ALMS1: variants seen among roughly 807,000 people sequenced by gnomAD.
ALMS1 encodes the protein centrosome-associated protein ALMS1.
Under a neutral mutation model 352.2 loss-of-function variants are expected in ALMS1, and 271 were observed. That is an observed-to-expected ratio of 0.77 (90% CI 0.70 to 0.85). The LOEUF (loss-of-function observed/expected upper bound fraction) is 0.85, where lower values mean the gene tolerates loss of function less well. Ranked by LOEUF, ALMS1 falls within the 40% of genes least tolerant of loss-of-function variation. ALMS1 has a pLI of 0.00. For missense variants in ALMS1, 5,445 were observed against 4,870.7 expected, an observed-to-expected ratio of 1.12 and a Z score of -3.51; for synonymous variants, 1,865 against 1,761.2, an observed-to-expected ratio of 1.06 and a Z score of -1.48.
At chr2:73,418,674 A>G (rs1169826279) in intron 2 of ALMS1, among the ~76,000 whole-genome samples, 2 of 152,180 alleles carry the variant, frequency 1.3e-5, no homozygotes, top group African/African-American at 4.8e-5. Flanking sequence ...AGTAAAATGA[A>G]TCTTTCAGAG....
Position 73,423,014 on chromosome 2 carries a change from G to A in ALMS1, c.764+40G>A, listed in dbSNP as rs779529615. ...TTGCATGTAACCTTTCTCACTTCTT[G>A]TTCTATGTTTTTACTAATATTAGTG... On this transcript the variant is annotated intron_variant, in intron 4 of 22. Coordinates refer to ENST00000613296, the MANE Select transcript of ALMS1 (RefSeq NM_001378454.1). 2.2e-5 allele frequency: 34 copies of A among 1,529,768 alleles called. 1 individual carries two copies. The Middle Eastern group carries it at 5.1e-4, about 23-fold the overall frequency. The allele number at this position is 1,529,768 out of a possible 1,614,324, so 94.8% of individuals were successfully genotyped here. A position where few individuals can be genotyped will look rare whatever the true frequency, so the allele number is the denominator to read the frequency against.
At chr2:73,569,446 TTTAC>T (rs1674874189) in intron 15 of ALMS1, among the ~76,000 whole-genome samples, 1 of 152,162 alleles carries the variant, frequency 6.6e-6, no homozygotes, top group Non-Finnish European at 1.5e-5. Flanking sequence ...TCCTTATTGT[TTTAC>T]TTACTGCTTT....
At chr2:73,558,907 G>A in intron 14 of ALMS1, 65 bp from the exon 15 acceptor site, 1 of 1,529,980 alleles carries the variant, frequency 6.5e-7, no homozygotes, top group Non-Finnish European at 9.0e-7. Context: ...ACGTACTTGA[G>A]AGACATTTAA....
chr2:73,533,258 G>C (rs777106452), intron 11 of ALMS1, among the ~76,000 whole-genome samples: 5 of 152,218 alleles, frequency 3.3e-5, no homozygotes, highest in Non-Finnish European at 7.3e-5. Flanking sequence ...GCCCAAGTCA[G>C]CTGGCTCTGA....
intron 16 of ALMS1, among the ~76,000 whole-genome samples, chr2:73,579,368 T>C (rs144594806): frequency 0.075 from 11,275 of 151,216 alleles, 1,025 homozygotes; most frequent in African/African-American, 0.21. Context: ...CCTTCTTTTT[T>C]TTTTCTTTTT....
rs760321596 is a variant in ALMS1 at position 73,601,390 on chromosome 2, A to G, written c.12068A>G (p.Glu4023Gly). The change falls in exon 19 of 23, where the codon GAG becomes GGG. Residue 4023 changes from glutamate (E) to glycine (G), a missense_variant. Transcript: ENST00000613296. ...GRGYLAGPGR[E>G]AGRDLLRPFV... Reference sequence around the variant, plus strand: ...GGCTACCTGGCAGGCCCAGGCAGAGAGGCTGGCAGAGACCTACTGAGGCCA... The same window carrying G: ...GGCTACCTGGCAGGCCCAGGCAGAGGGGCTGGCAGAGACCTACTGAGGCCA... The G allele has an allele frequency of 6.2e-7, 1 of 1,614,096 alleles. No individual in the cohort carries two copies. Among genetic ancestry groups the G allele is most frequent in the Non-Finnish European group, 8.5e-7 (1 of 1,179,942 alleles).
rs78512691 is a variant in ALMS1, at chr2:73,428,725, G to A, written c.1338+2172G>A. 8.4e-3 allele frequency among the ~76,000 whole-genome samples: 1,283 copies of A among 152,184 alleles called. 17 individuals are homozygous for A. The highest frequency in any genetic ancestry group is 0.03 in the African/African-American group (1,228 of 41,510). ...TTCCCTGTATTGTCTTTCAGTTGTA[G>A]CTCTATCTGTCTTAGTCTTAGATCT... On this transcript the variant is annotated intron_variant, in intron 6 of 22. Transcript: ENST00000613296.
At chr2:73,493,158 G>A (rs139855534) in intron 10 of ALMS1, among the ~76,000 whole-genome samples, 3 of 152,042 alleles carry the variant, frequency 2.0e-5, no homozygotes, top group African/African-American at 4.8e-5. Flanking sequence ...CAGGGTGTAC[G>A]TTTGTAGTGG....
rs1346928828 is a variant in ALMS1 at position 73,572,732 on chromosome 2, G to A, written c.10855G>A (p.Asp3619Asn). 21 of 1,613,974 alleles carry A rather than the reference G, an allele frequency of 1.3e-5. No homozygotes were observed. The highest frequency in any genetic ancestry group is 2.7e-5 in the African/African-American group (2 of 74,920). ...QRQQRQPELG[D>N]RKELSLVDRL... is the part of the protein sequence containing the mutation. ...GCAACAGAGACAGCCTGAGTTGGGTGACAGGAAAGAACTGTCCTTGGTGGA... is the reference window on the plus strand; with the variant it reads ...GCAACAGAGACAGCCTGAGTTGGGTAACAGGAAAGAACTGTCCTTGGTGGA... The change falls in exon 16 of 23, where the codon GAC becomes AAC. Residue 3619 changes from aspartate (D) to asparagine (N), a missense_variant. Physicochemically the swap from Asp to Asn is conservative, Grantham distance 23 (BLOSUM62 1). Transcript: ENST00000613296.
In ALMS1 at chr2:73,579,063, C is replaced by CTTTTTTTTTTTTTTTTTTTTTTTT. The variant is rs372240184; in HGVS notation, c.11547+5646_11547+5647insTTTTTTTTTTTTTTTTTTTTTTTT. On this transcript the variant is annotated intron_variant, in intron 16 of 22. Coordinates refer to ENST00000613296, the MANE Select transcript of ALMS1 (RefSeq NM_001378454.1). ...GAATGTCTTTAATTTCTCCTTTATT[C>CTTTTTTTTTTTTTTTTTTTTTTTT]TTTTTTTATTTATTTTTTTTTTTGA... Among the ~76,000 whole-genome samples the CTTTTTTTTTTTTTTTTTTTTTTTT allele has an allele frequency of 8.4e-5, 10 of 119,144 alleles. 1 individual carries two copies. Among genetic ancestry groups the CTTTTTTTTTTTTTTTTTTTTTTTT allele is most frequent in the African/African-American group, 3.9e-4 (9 of 23,204 alleles). The allele number at this position is 119,144 out of a possible 152,430, so 78.2% of individuals were successfully genotyped here.
At chr2:73,410,194 G>T (rs1671048489) in intron 2 of ALMS1, among the ~76,000 whole-genome samples, 1 of 152,056 alleles carries the variant, frequency 6.6e-6, no homozygotes, top group Admixed American at 6.6e-5. Context: ...TTCAAGACCA[G>T]CCTGGCCAAC....
At chr2:73,461,942 A>C (rs1180250209) in intron 9 of ALMS1, among the ~76,000 whole-genome samples, 2 of 152,114 alleles carry the variant, frequency 1.3e-5, no homozygotes, top group Non-Finnish European at 2.9e-5. Context: ...CCTCCAAGAA[A>C]TATGGGACTA....
chr2:73,538,372 T>C (rs1674078334), intron 12 of ALMS1, among the ~76,000 whole-genome samples: 1 of 152,102 alleles, frequency 6.6e-6, no homozygotes, highest in Admixed American at 6.6e-5. Context: ...TCACACCCAT[T>C]ACAATCACTG....
chr2:73,598,304 A>G (rs994321429), intron 16 of ALMS1, among the ~76,000 whole-genome samples: 2 of 152,190 alleles, frequency 1.3e-5, no homozygotes, highest in African/African-American at 2.4e-5. Flanking sequence ...CTGGCAGGGC[A>G]TGCTCTGCCT....
Position 73,449,533 on chromosome 2 carries a change from C to T in ALMS1, c.3006C>T (p.Ser1002=). Residue 1002 remains serine, a synonymous_variant, in exon 8 of 23, where the codon TCC becomes TCT. Coordinates refer to ENST00000613296, the MANE Select transcript of ALMS1 (RefSeq NM_001378454.1). ...TVPTPTVPSG[S]FSHREKPSIF... Reference sequence around the variant, plus strand: ...CAACACCAACAGTACCTTCAGGTTCCTTCTCACATAGAGAGAAGCCCAGTA... The same window carrying T: ...CAACACCAACAGTACCTTCAGGTTCTTTCTCACATAGAGAGAAGCCCAGTA... 1 of 1,614,064 alleles carries T rather than the reference C, an allele frequency of 6.2e-7. No homozygotes were observed. Among genetic ancestry groups the T allele is most frequent in the Non-Finnish European group, 8.5e-7 (1 of 1,179,976 alleles).
intron 16 of ALMS1, among the ~76,000 whole-genome samples, chr2:73,580,403 T>A (rs1246854794): frequency 6.6e-6 from 1 of 152,248 alleles, no homozygotes; most frequent in Non-Finnish European, 1.5e-5. Flanking sequence ...GCTTCATATT[T>A]TCTATTTGAT....
chr2:73,587,074 G>T (rs181029307), intron 16 of ALMS1, among the ~76,000 whole-genome samples: 7 of 152,222 alleles, frequency 4.6e-5, no homozygotes, highest in Admixed American at 3.9e-4. Flanking sequence ...TTGTTTCTCA[G>T]CTTGGTCTTT....
chr2:73,526,942 G>A (rs1673803860), intron 11 of ALMS1, among the ~76,000 whole-genome samples: 1 of 151,990 alleles, frequency 6.6e-6, no homozygotes, highest in Non-Finnish European at 1.5e-5. Context: ...TGAGGTATGT[G>A]TTCTCTATAC....
At chr2:73,563,267 A>G (rs1674704298) in intron 15 of ALMS1, among the ~76,000 whole-genome samples, 2 of 152,316 alleles carry the variant, frequency 1.3e-5, no homozygotes, top group Admixed American at 6.5e-5. Flanking sequence ...AAATTCACCA[A>G]AAGTTTTGCA....
Sources: allele counts gnomAD v4.1 joint callset (sites outside exome capture counted in the v4.1 genomes callset), GRCh38; gene constraint gnomAD v4.1.1; transcripts MANE v1.5; gene names NCBI Gene and HGNC (gene_info 2026-07-23, HGNC 2026-07-21).